PCDHA10: variants seen among roughly 807,000 people sequenced by gnomAD.
The protein encoded by PCDHA10 is protocadherin alpha 10.
In PCDHA10, 45 loss-of-function variants were observed where a neutral mutation model predicts 61.2. That is an observed-to-expected ratio of 0.74 (90% CI 0.58 to 0.94). PCDHA10 has a LOEUF of 0.94. Ranked by LOEUF, PCDHA10 falls within the 40% of genes least tolerant of loss-of-function variation. The pLI is 0.00. For synonymous variants in PCDHA10, 602 were observed against 548.8 expected, an observed-to-expected ratio of 1.10 and a Z score of -1.35; for missense variants, 1,278 against 1,236.2, an observed-to-expected ratio of 1.03 and a Z score of -0.51.
At chr5:140,872,418 A>G (rs2053650259) in intron 1 of PCDHA10, among the ~76,000 whole-genome samples, 2 of 152,014 alleles carry the variant, frequency 1.3e-5, no homozygotes, top group East Asian at 3.9e-4. Flanking sequence ...CTTGAGCCCA[A>G]GAGTTCGAGG....
intron 2 of PCDHA10, among the ~76,000 whole-genome samples, chr5:140,980,886 C>T (rs2096909899): frequency 6.6e-6 from 1 of 152,062 alleles, no homozygotes; most frequent in South Asian, 2.1e-4. Context: ...TCGGTCTTTC[C>T]AGTCTTGGAC....
chr5:140,908,493 G>T (rs545927854), intron 1 of PCDHA10, among the ~76,000 whole-genome samples: 14 of 152,270 alleles, frequency 9.2e-5, no homozygotes, highest in African/African-American at 3.4e-4. Flanking sequence ...AGTTCAGGTT[G>T]CTTGGTGACT....
chr5:140,863,443 C>A (rs1389927128), intron 1 of PCDHA10: 2 of 591,510 alleles, frequency 3.4e-6, no homozygotes, highest in Non-Finnish European at 3.2e-6. Flanking sequence ...TGGTCTTACT[C>A]GCAGCAAAGG....
At chr5:140,987,232 A>G (rs1554248942) in intron 3 of PCDHA10, among the ~76,000 whole-genome samples, 1 of 151,894 alleles carries the variant, frequency 6.6e-6, no homozygotes, top group African/African-American at 2.4e-5. Flanking sequence ...AAAAAATAAT[A>G]AATAAAGAAA....
chr5:140,866,519 A>G (rs940195026), intron 1 of PCDHA10: 8 of 152,312 alleles, frequency 5.3e-5, no homozygotes, highest in African/African-American at 1.9e-4. Context: ...TGACTAAGCC[A>G]TGATAGAGCA....
At chr5:141,005,436 G>T (rs1554260042) in intron 3 of PCDHA10, among the ~76,000 whole-genome samples, 2 of 152,080 alleles carry the variant, frequency 1.3e-5, no homozygotes, top group East Asian at 1.9e-4. Flanking sequence ...TGGATGAGAG[G>T]CTCACGCCTG....
intron 1 of PCDHA10, among the ~76,000 whole-genome samples, chr5:140,903,945 C>G (rs191892568): frequency 2.6e-5 from 4 of 152,162 alleles, no homozygotes; most frequent in Non-Finnish European, 5.9e-5. Context: ...CTCTTAAATA[C>G]TGGAAAATTA....
At chr5:140,966,796 G>A (rs1255615650) in intron 1 of PCDHA10, 8 of 1,535,610 alleles carry the variant, frequency 5.2e-6, no homozygotes, top group African/African-American at 1.4e-5. Flanking sequence ...GACCTGCGGC[G>A]ACAGAGCATC....
At chr5:140,872,638 G>A (rs1429990038) in intron 1 of PCDHA10, among the ~76,000 whole-genome samples, 2 of 152,092 alleles carry the variant, frequency 1.3e-5, no homozygotes, top group Admixed American at 1.3e-4. Flanking sequence ...TTTGTTCCAT[G>A]AAAAGGCAAG....
At position 140,895,475 on chromosome 5, in the gene PCDHA10, G is replaced by A. The variant is rs532993154; in HGVS notation, c.2388+37039G>A. Among the ~76,000 whole-genome samples the A allele has an allele frequency of 2.0e-4, 31 of 152,002 alleles. No individual in the cohort carries two copies. The South Asian group carries it at 5.0e-3, about 24-fold the overall frequency. On this transcript the variant is annotated intron_variant, in intron 1 of 3. Coordinates refer to ENST00000307360, the MANE Select transcript of PCDHA10 (RefSeq NM_018901.4). ...TATTGGTCATTTCTTTATCCTCTTC[G>A]GAGAAATACCTATTCAGAACTTTTG...
intron 3 of PCDHA10, among the ~76,000 whole-genome samples, chr5:141,006,952 A>G (rs2098296225): frequency 1.3e-5 from 2 of 152,212 alleles, no homozygotes; most frequent in South Asian, 4.1e-4. Flanking sequence ...ATAGGCAGTT[A>G]TACATGAGAT....
chr5:140,986,238 A>G (rs1358537911), intron 3 of PCDHA10, among the ~76,000 whole-genome samples: 1 of 152,152 alleles, frequency 6.6e-6, no homozygotes. Context: ...CCTCTGTGTG[A>G]GCAGACCCGG....
intron 3 of PCDHA10, among the ~76,000 whole-genome samples, chr5:140,985,402 C>T (rs1554247027): frequency 6.6e-6 from 1 of 152,118 alleles, no homozygotes; most frequent in African/African-American, 2.4e-5. Context: ...CAACTGTTCC[C>T]CTGGAAATGG....
Position 140,914,628 on chromosome 5 carries a change from G to A in PCDHA10, c.2388+56192G>A, listed in dbSNP as rs540654869. 1.3e-4 allele frequency among the ~76,000 whole-genome samples: 19 copies of A among 151,834 alleles called. No homozygotes were observed. The South Asian group carries it at 1.7e-3, about 13-fold the overall frequency. ...CTGCCATTTTGTAATTTGTTTTCTC[G>A]TGGTTTCATGGTCATCTCTCCCTTC... is the stretch of plus-strand genomic sequence containing the variant. On this transcript the variant is annotated intron_variant, in intron 1 of 3. Transcript: ENST00000307360.
At chr5:140,871,451 A>T in intron 1 of PCDHA10, 1 of 1,608,630 alleles carries the variant, frequency 6.2e-7, no homozygotes, top group Non-Finnish European at 8.5e-7. Context: ...AATAAAGAGG[A>T]GGAAGGGGAA....
rs1362509837 is a variant in PCDHA10, at chr5:140,884,388, T to A, written c.2388+25952T>A. On this transcript the variant is annotated intron_variant, in intron 1 of 3. Transcript: ENST00000307360. ...TACTTGATCATTGCCATCTGCGCGG[T>A]GTCCAGCCTGTTGGTGCTCACGTTG... 3 of 1,613,960 alleles carry A rather than the reference T, an allele frequency of 1.9e-6. No individual in the cohort carries two copies. In the Admixed American group the frequency reaches 5.0e-5, roughly 27 times the overall value.
intron 1 of PCDHA10, among the ~76,000 whole-genome samples, chr5:140,893,379 ACAG>A (rs2063957000): frequency 6.6e-6 from 1 of 152,140 alleles, no homozygotes; most frequent in South Asian, 2.1e-4. Context: ...CATTTATGGG[ACAG>A]TGGCTCATGC....
intron 1 of PCDHA10, chr5:140,871,653 C>G (rs2053243834): frequency 3.2e-6 from 4 of 1,244,250 alleles, no homozygotes; most frequent in Non-Finnish European, 4.4e-6. Flanking sequence ...CCAAATGATA[C>G]ACATCTTCAG....
intron 1 of PCDHA10, among the ~76,000 whole-genome samples, chr5:140,921,475 A>G (rs1323812887): frequency 6.6e-6 from 1 of 152,074 alleles, no homozygotes; most frequent in Non-Finnish European, 1.5e-5. Context: ...CTACCAAACC[A>G]CTCTACCTGA....
Sources: allele counts gnomAD v4.1 joint callset (sites outside exome capture counted in the v4.1 genomes callset), GRCh38; gene constraint gnomAD v4.1.1; transcripts MANE v1.5; gene names NCBI Gene and HGNC (gene_info 2026-07-23, HGNC 2026-07-21).